SBF2: variants seen among roughly 807,000 people sequenced by gnomAD.
SBF2 encodes the protein SET binding factor 2, also known as myotubularin-related protein 13.
A neutral mutation model predicts 225.2 loss-of-function variants in SBF2; 112 were observed. That is an observed-to-expected ratio of 0.50 (90% confidence interval 0.43 to 0.58). The LOEUF (loss-of-function observed/expected upper bound fraction) is 0.58. Among genes scored for constraint, SBF2 ranks in the 20% least tolerant of loss-of-function variants. The pLI is 0.00. For synonymous variants in SBF2, 763 were observed against 773.3 expected, an observed-to-expected ratio of 0.99 and a Z score of 0.22; for missense variants, 1,996 against 2,206.2, an observed-to-expected ratio of 0.90 and a Z score of 1.91.
chr11:10,041,214 G>A (rs566585577), intron 3 of SBF2, among the ~76,000 whole-genome samples: 1 of 152,082 alleles, frequency 6.6e-6, no homozygotes, highest in Non-Finnish European at 1.5e-5. Flanking sequence ...AAGAGACAGA[G>A]TGGTTCTTGG....
intron 1 of SBF2, among the ~76,000 whole-genome samples, chr11:10,202,943 G>A (rs1565350757): frequency 2.0e-5 from 3 of 151,690 alleles, no homozygotes; most frequent in Non-Finnish European, 2.9e-5. Flanking sequence ...GGCAATAGAG[G>A]ACAGTGAACC....
chr11:10,085,976 C>T (rs1373776015), intron 2 of SBF2, among the ~76,000 whole-genome samples: 2 of 101,956 alleles, frequency 2.0e-5, no homozygotes, highest in African/African-American at 3.9e-5. Flanking sequence ...CCACCCCCCA[C>T]CCCAGGTATC....
Position 9,992,535 on chromosome 11 carries a change from G to C in SBF2, c.1176C>G (p.Phe392Leu), listed in dbSNP as rs758507268. ...TCTCGACCAAACCACGCTGCCCCAAGAATGCTGTCTGTGAAAAAAGAAAAT... is the reference window on the plus strand; with the variant it reads ...TCTCGACCAAACCACGCTGCCCCAACAATGCTGTCTGTGAAAAAAGAAAAT... ...EPVIHFHKTA[F>L]LGQRGLVEND... Residue 392 changes from phenylalanine to leucine, a missense_variant, in exon 12 of 40, where the codon TTC becomes TTG. Phe to Leu is a conservative substitution (Grantham distance 22). Coordinates refer to ENST00000256190, the MANE Select transcript of SBF2 (RefSeq NM_030962.4). The C allele has an allele frequency of 6.2e-7, 1 of 1,611,086 alleles. No individual in the cohort carries two copies. Among genetic ancestry groups the C allele is most frequent in the Non-Finnish European group, 8.5e-7 (1 of 1,178,712 alleles).
At chr11:9,851,270 TGTTA>T (rs1308058023) in intron 21 of SBF2, among the ~76,000 whole-genome samples, 1 of 152,098 alleles carries the variant, frequency 6.6e-6, no homozygotes, top group Admixed American at 6.6e-5. Context: ...TGAACCCAAC[TGTTA>T]AAGGCAATGG....
At chr11:9,959,766 G>T in intron 16 of SBF2, 1 of 645,376 alleles carries the variant, frequency 1.5e-6, no homozygotes, top group South Asian at 1.4e-5. Context: ...TGTTTAAGTG[G>T]GAGCTTGCTG....
At chr11:10,002,516 G>A in intron 7 of SBF2, 41 bp downstream of exon 7, 1 of 1,479,388 alleles carries the variant, frequency 6.8e-7, no homozygotes, top group Non-Finnish European at 9.4e-7. Context: ...TAAGTGATAT[G>A]TAGTTTAGGA....
At chr11:9,805,787 TG>T (rs1344671362) in intron 32 of SBF2, among the ~76,000 whole-genome samples, 1 of 152,120 alleles carries the variant, frequency 6.6e-6, no homozygotes, top group Non-Finnish European at 1.5e-5. Context: ...CACGTCTGGC[TG>T]ATTTTTTGTA....
intron 16 of SBF2, among the ~76,000 whole-genome samples, chr11:9,906,791 T>A (rs553693691): frequency 4.6e-5 from 7 of 152,222 alleles, no homozygotes; most frequent in Non-Finnish European, 1.0e-4. Flanking sequence ...TGCAAGGTCT[T>A]GAATACTGAT....
intron 14 of SBF2, among the ~76,000 whole-genome samples, chr11:9,964,204 G>A (rs892600336): frequency 6.6e-6 from 1 of 152,178 alleles, no homozygotes; most frequent in Non-Finnish European, 1.5e-5. Flanking sequence ...AGCTAGGACA[G>A]CACTACTGAA....
At chr11:9,978,628 TTTGA>T (rs1220300092) in intron 13 of SBF2, among the ~76,000 whole-genome samples, 4 of 148,794 alleles carry the variant, frequency 2.7e-5, no homozygotes, top group East Asian at 2.0e-4. Context: ...TTTTTGTTTG[TTTGA>T]TTGTTTTTGT....
intron 31 of SBF2, 125 bp from the exon 32 acceptor site, chr11:9,808,310 C>T: frequency 1.2e-6 from 1 of 809,130 alleles, no homozygotes; most frequent in Non-Finnish European, 2.1e-6. Flanking sequence ...AATTTGTTCA[C>T]TAACCATTCC....
chr11:10,005,516 T>G (rs145763830), intron 6 of SBF2, among the ~76,000 whole-genome samples: 123 of 152,238 alleles, frequency 8.1e-4, no homozygotes, highest in Non-Finnish European at 1.5e-3. Context: ...TTCCTTTCAT[T>G]CCTGCTCTAA....
chr11:10,288,493 G>A (rs1963942291), intron 1 of SBF2, among the ~76,000 whole-genome samples: 2 of 151,996 alleles, frequency 1.3e-5, no homozygotes, highest in African/African-American at 4.8e-5. Context: ...GCTCCTCTCT[G>A]CAGCTGGTCA....
At position 9,899,350 on chromosome 11, in the gene SBF2, A is replaced by C. The variant is rs181483080; in HGVS notation, c.1861-3339T>G. Among the ~76,000 whole-genome samples the C allele has an allele frequency of 9.3e-5, 14 of 150,866 alleles. No individual in the cohort carries two copies. In the East Asian group the frequency reaches 1.8e-3, roughly 19 times the overall value. On this transcript the variant is annotated intron_variant, in intron 16 of 39. Coordinates refer to ENST00000256190, the MANE Select transcript of SBF2 (RefSeq NM_030962.4). Reference sequence around the variant, plus strand: ...TTCTACAAAAAATTAAAAAAAAAAAAAAAACTGGCCAGGTATGATGGTGCA... The same window carrying C: ...TTCTACAAAAAATTAAAAAAAAAAACAAAACTGGCCAGGTATGATGGTGCA...
upstream of SBF2, among the ~76,000 whole-genome samples, chr11:10,296,314 G>A (rs143023660): frequency 6.6e-6 from 1 of 152,232 alleles, no homozygotes; most frequent in African/African-American, 2.4e-5. Flanking sequence ...TGCTAATAAA[G>A]ACATACCCGA....
chr11:9,785,770 A>G (rs1852331805), intron 36 of SBF2, among the ~76,000 whole-genome samples: 1 of 152,118 alleles, frequency 6.6e-6, no homozygotes, highest in African/African-American at 2.4e-5. Flanking sequence ...GATGATCACC[A>G]GAACCCTGGA....
chr11:10,121,794 A>G (rs979307455), intron 2 of SBF2, among the ~76,000 whole-genome samples: 5 of 152,238 alleles, frequency 3.3e-5, no homozygotes, highest in African/African-American at 9.6e-5. Context: ...TAAATAATTC[A>G]TAAGTTTTAA....
chr11:10,163,371 T>C (rs72861714), intron 2 of SBF2, among the ~76,000 whole-genome samples: 67 of 152,216 alleles, frequency 4.4e-4, no homozygotes, highest in Non-Finnish European at 8.2e-4. Context: ...GGTGGCCAAG[T>C]AAGGAAAGAA....
At chr11:10,071,868 C>T (rs1174927525) in intron 2 of SBF2, among the ~76,000 whole-genome samples, 3 of 152,212 alleles carry the variant, frequency 2.0e-5, no homozygotes, top group African/African-American at 7.2e-5. Flanking sequence ...GGTGGATAAG[C>T]TTTTTGATGT....
Sources: gnomAD v4.1 joint callset for allele counts (sites outside exome capture counted in the v4.1 genomes callset) on GRCh38, gnomAD v4.1.1 for gene constraint, MANE v1.5 for transcripts, NCBI Gene and HGNC (gene_info 2026-07-23, HGNC 2026-07-21) for gene names.